BCKDHB: variants seen among roughly 807,000 people sequenced by gnomAD.
BCKDHB encodes 2-oxoisovalerate dehydrogenase subunit beta, mitochondrial.
In BCKDHB, 41 loss-of-function variants were observed where a neutral mutation model predicts 48.5. The ratio of observed to expected loss-of-function variants is 0.85; its 90% confidence interval spans 0.66 to 1.10. BCKDHB has a LOEUF of 1.10. Ranked by LOEUF, BCKDHB falls within the 50% of genes least tolerant of loss-of-function variation. The probability of loss-of-function intolerance (pLI) is 0.00; values close to 1 mark genes in which losing one functional copy is unlikely to be tolerated. For missense variants in BCKDHB, 496 were observed against 494.2 expected, an observed-to-expected ratio of 1.00 and a Z score of -0.03; for synonymous variants, 201 against 174.8, an observed-to-expected ratio of 1.15 and a Z score of -1.18.
intron 9 of BCKDHB, among the ~76,000 whole-genome samples, chr6:80,274,019 T>C (rs193247613): frequency 1.2e-4 from 18 of 152,172 alleles, no homozygotes; most frequent in African/African-American, 4.3e-4. Context: ...TTCTCTTTAC[T>C]GGTGTGAAGA....
At chr6:80,348,286 TTCTTGG>T (rs1446419191), downstream of BCKDHB, among the ~76,000 whole-genome samples, 4 of 152,132 alleles carry the variant, frequency 2.6e-5, no homozygotes, top group African/African-American at 9.7e-5. Flanking sequence ...CATCTAAAAA[TTCTTGG>T]TCAAAATGTT....
At chr6:80,418,703 C>T in the BCKDHB span, among the ~76,000 whole-genome samples, 1 of 152,178 alleles carries the variant, frequency 6.6e-6, no homozygotes, top group African/African-American at 2.4e-5. Context: ...AATCACTACA[C>T]TGTGATAGGT....
At chr6:80,393,382 C>G in the BCKDHB span, among the ~76,000 whole-genome samples, 6 of 152,070 alleles carry the variant, frequency 3.9e-5, no homozygotes, top group Admixed American at 6.6e-5. Context: ...TAGGAGATGA[C>G]TAGTTCAGGA....
At chr6:80,449,658 A>G in the BCKDHB span, among the ~76,000 whole-genome samples, 1 of 152,186 alleles carries the variant, frequency 6.6e-6, no homozygotes, top group Non-Finnish European at 1.5e-5. Flanking sequence ...TGAACTTCAA[A>G]TTACATCATA....
In BCKDHB at chr6:80,343,818, T is replaced by A; in HGVS notation, c.*14T>A. 6.2e-7 allele frequency: 1 copy of A among 1,613,676 alleles called. No individual in the cohort carries two copies. The highest frequency in any genetic ancestry group is 8.5e-7 in the Non-Finnish European group (1 of 1,179,720). On this transcript the variant is annotated 3_prime_UTR_variant, in exon 10 of 10. Coordinates refer to ENST00000320393, the MANE Select transcript of BCKDHB (RefSeq NM_183050.4). ...ATCAACTATTGACCATATAGGTAGG[T>A]ATGCATCTTGAGAAAGCTACTATGT... is the stretch of plus-strand genomic sequence containing the variant.
the BCKDHB span, among the ~76,000 whole-genome samples, chr6:80,394,282 T>A: frequency 6.6e-6 from 1 of 152,150 alleles, no homozygotes; most frequent in Admixed American, 6.5e-5. Context: ...TTCTCAAGTT[T>A]CTCTTTCATC....
At chr6:80,109,578 T>C (rs1232608675) in intron 1 of BCKDHB, among the ~76,000 whole-genome samples, 1 of 152,212 alleles carries the variant, frequency 6.6e-6, no homozygotes, top group Non-Finnish European at 1.5e-5. Flanking sequence ...ATGTACACTC[T>C]TGGATATTTT....
At chr6:80,251,107 T>A (rs1776820214) in intron 8 of BCKDHB, among the ~76,000 whole-genome samples, 1 of 152,174 alleles carries the variant, frequency 6.6e-6, no homozygotes, top group Admixed American at 6.6e-5. Flanking sequence ...TGGTTTCCTT[T>A]TATTCACAAC....
At chr6:80,393,723 C>T in the BCKDHB span, among the ~76,000 whole-genome samples, 2 of 152,212 alleles carry the variant, frequency 1.3e-5, no homozygotes, top group South Asian at 4.1e-4. Context: ...GCACAGCTAT[C>T]GTCTTGGATT....
At chr6:80,327,787 T>C (rs1769106374) in intron 9 of BCKDHB, among the ~76,000 whole-genome samples, 1 of 152,104 alleles carries the variant, frequency 6.6e-6, no homozygotes, top group Admixed American at 6.6e-5. Flanking sequence ...TTAGCCCCCT[T>C]CAGCATTTAT....
At chr6:80,366,214 T>C in the BCKDHB span, among the ~76,000 whole-genome samples, 1 of 152,214 alleles carries the variant, frequency 6.6e-6, no homozygotes, top group Non-Finnish European at 1.5e-5. Context: ...GTGGGCCAGT[T>C]GGCTTCATGT....
intron 9 of BCKDHB, among the ~76,000 whole-genome samples, chr6:80,321,270 A>C (rs1768703680): frequency 6.6e-6 from 1 of 152,152 alleles, no homozygotes; most frequent in African/African-American, 2.4e-5. Context: ...TTCCATCCTT[A>C]AGTATCTGGA....
the BCKDHB span, among the ~76,000 whole-genome samples, chr6:80,364,680 T>G: frequency 6.6e-6 from 1 of 152,142 alleles, no homozygotes; most frequent in African/African-American, 2.4e-5. Flanking sequence ...CAGTTGAGAT[T>G]AAAATAAAAA....
chr6:80,135,308 A>C (rs1770831239), intron 3 of BCKDHB, among the ~76,000 whole-genome samples: 1 of 152,098 alleles, frequency 6.6e-6, no homozygotes, highest in Non-Finnish European at 1.5e-5. Flanking sequence ...GAAGAAAAAA[A>C]CAGGATAAAA....
At chr6:80,341,931 G>A (rs1769927113) in intron 9 of BCKDHB, among the ~76,000 whole-genome samples, 1 of 152,152 alleles carries the variant, frequency 6.6e-6, no homozygotes, top group African/African-American at 2.4e-5. Context: ...CAGCTTATTA[G>A]TAGTGGAATC....
At chr6:80,224,999 G>T (rs1775621951) in intron 8 of BCKDHB, among the ~76,000 whole-genome samples, 2 of 152,302 alleles carry the variant, frequency 1.3e-5, no homozygotes, top group Non-Finnish European at 2.9e-5. Context: ...ACTGAAATTT[G>T]CCTTTCTCTA....
the BCKDHB span, among the ~76,000 whole-genome samples, chr6:80,459,990 C>T: frequency 6.6e-6 from 1 of 152,088 alleles, no homozygotes; most frequent in Non-Finnish European, 1.5e-5. Flanking sequence ...GCAGAAGATA[C>T]TTTCTTCATG....
intron 9 of BCKDHB, among the ~76,000 whole-genome samples, chr6:80,336,496 C>CAAAAAAAAAAA (rs1769599756): frequency 7.0e-6 from 1 of 142,498 alleles, no homozygotes; most frequent in Non-Finnish European, 1.5e-5. Context: ...CAAAAAAAAC[C>CAAAAAAAAAAA]AAAAAAACAA....
chr6:80,201,373 A>G (rs1774388633), intron 7 of BCKDHB, among the ~76,000 whole-genome samples: 1 of 152,058 alleles, frequency 6.6e-6, no homozygotes, highest in Admixed American at 6.6e-5. Context: ...TTCCCTAGTC[A>G]CTGCTGTATA....
Sources: gnomAD v4.1 joint callset for allele counts (sites outside exome capture counted in the v4.1 genomes callset) on GRCh38, gnomAD v4.1.1 for gene constraint, MANE v1.5 for transcripts, NCBI Gene and HGNC (gene_info 2026-07-23, HGNC 2026-07-21) for gene names.